PHC1: variants seen among roughly 807,000 people sequenced by gnomAD.
PHC1 encodes polyhomeotic-like protein 1.
PHC1 carries 12 observed loss-of-function variants against 104.3 expected under a neutral mutation model. That is an observed-to-expected ratio of 0.12 (90% CI 0.07 to 0.19). The LOEUF (loss-of-function observed/expected upper bound fraction) is 0.19, where lower values mean the gene tolerates loss of function less well. Ranked by LOEUF, PHC1 falls within the 10% of genes least tolerant of loss-of-function variation. The pLI, the probability that PHC1 is intolerant of heterozygous loss-of-function variation, is 1.00. For synonymous variants in PHC1, 302 were observed against 455.8 expected, an observed-to-expected ratio of 0.66 and a Z score of 4.30; for missense variants, 671 against 1,200.0, an observed-to-expected ratio of 0.56 and a Z score of 6.51.
Position 8,919,339 on chromosome 12 carries a change from G to A in PHC1, c.115-417G>A, listed in dbSNP as rs952779451. Among the ~76,000 whole-genome samples the A allele has an allele frequency of 1.4e-4, 22 of 152,104 alleles. No individual in the cohort carries two copies. Among genetic ancestry groups the A allele is most frequent in the African/African-American group, 5.3e-4 (22 of 41,418 alleles). On this transcript the variant is annotated intron_variant, in intron 2 of 14. Transcript: ENST00000544916. This position sits in a 1 kb window ranked among gnomAD's most constrained non-coding sequence, Gnocchi z 4.9. ...GCCTCCCAAAGTGCTGGGATTACAG[G>A]CAGGAGCCACCACGCCTGGCTCAGA...
intron 6 of PHC1, among the ~76,000 whole-genome samples, chr12:8,929,605 G>C (rs1945625048): frequency 6.6e-6 from 1 of 150,420 alleles, no homozygotes; most frequent in Admixed American, 6.6e-5. Flanking sequence ...TCAGCTCACT[G>C]CAGTCTCTGC....
At chr12:8,937,483 T>A (rs778952667) in intron 13 of PHC1, among the ~76,000 whole-genome samples, 157 bp downstream of exon 13, 2 of 152,310 alleles carry the variant, frequency 1.3e-5, no homozygotes, top group South Asian at 2.1e-4. Context: ...TGACCCCCTT[T>A]GTCTCCGGAC....
intron 6 of PHC1, among the ~76,000 whole-genome samples, chr12:8,927,853 TTTTCTTTCTTTC>T (rs71045227): frequency 0.023 from 2,545 of 110,846 alleles, 67 homozygotes; most frequent in African/African-American, 0.038. Flanking sequence ...ACTGTACTAG[TTTTCTTTCTTTC>T]TTTCTTTCTT....
chr12:8,913,943 G>A (rs1945118894), upstream of PHC1: 1 of 152,298 alleles, frequency 6.6e-6, no homozygotes, highest in Non-Finnish European at 1.5e-5. Context: ...CGCCTTCTTG[G>A]AGTTGAGGTG....
At chr12:8,921,118 G>A in intron 4 of PHC1, 53 bp downstream of exon 4, 1 of 1,342,014 alleles carries the variant, frequency 7.5e-7, no homozygotes, top group Non-Finnish European at 1.0e-6. Flanking sequence ...CTTTGTCTCT[G>A]GGTTAAATTA....
chr12:8,916,938 G>A (rs1175670059), intron 1 of PHC1, among the ~76,000 whole-genome samples: 1 of 152,160 alleles, frequency 6.6e-6, no homozygotes, highest in Non-Finnish European at 1.5e-5. Flanking sequence ...ATGACCCACT[G>A]AATGTGTCTG....
At chr12:8,931,622 C>G (rs1450399455) in intron 7 of PHC1, among the ~76,000 whole-genome samples, 1 of 152,192 alleles carries the variant, frequency 6.6e-6, no homozygotes, top group Non-Finnish European at 1.5e-5. Flanking sequence ...GTAGCTTGAA[C>G]CCGGTTGGCA....
intron 13 of PHC1, 108 bp from the exon 14 acceptor site, chr12:8,937,721 T>G: frequency 1.3e-6 from 1 of 754,126 alleles, no homozygotes; most frequent in Non-Finnish European, 2.2e-6. Context: ...ATTTCACATA[T>G]GATAAGATGA....
Position 8,922,754 on chromosome 12 carries a change from C to G in PHC1, c.578C>G (p.Ala193Gly). 6.2e-7 allele frequency: 1 copy of G among 1,612,814 alleles called. No homozygotes were observed. The change falls in exon 6 of 15, where the codon GCT (alanine) becomes GGT (glycine). Residue 193 changes from alanine (A) to glycine (G), a missense_variant. Transcript: ENST00000544916. ...GCAGTCCAGCAGGAGGTGCCATCTG[C>G]TCAGTCTCCTGGAGTTCATGCAGAT... ...VAAVQQEVPS[A>G]QSPGVHADAD...
chr12:8,916,831 C>G (rs530614694), intron 1 of PHC1, among the ~76,000 whole-genome samples: 7 of 152,176 alleles, frequency 4.6e-5, no homozygotes, highest in Non-Finnish European at 1.0e-4. Context: ...AGCAACATGC[C>G]TGAGGTGTTA....
intron 3 of PHC1, among the ~76,000 whole-genome samples, 173 bp from the exon 4 acceptor site, chr12:8,920,812 G>A (rs1369249651): frequency 6.6e-6 from 1 of 152,164 alleles, no homozygotes. Flanking sequence ...TAGCATATGT[G>A]GTAATGTGAG....
chr12:8,925,754 A>G lies in PHC1; in HGVS notation c.612+2966A>G, dbSNP rs745839252. Reference sequence around the variant, plus strand: ...GATTTTGGGCTTTTTATAAAAAGCAATTGGAAGCTATAGAAGGATTTTAAA... The same window carrying G: ...GATTTTGGGCTTTTTATAAAAAGCAGTTGGAAGCTATAGAAGGATTTTAAA... On this transcript the variant is annotated intron_variant, in intron 6 of 14. Coordinates refer to ENST00000544916, the MANE Select transcript of PHC1 (RefSeq NM_004426.3). 8.5e-5 allele frequency among the ~76,000 whole-genome samples: 13 copies of G among 152,324 alleles called. No individual in the cohort carries two copies. The East Asian group carries it at 2.3e-3, about 27-fold the overall frequency.
At chr12:8,920,918 A>T in intron 3 of PHC1, 67 bp from the exon 4 acceptor site, 2 of 1,027,122 alleles carry the variant, frequency 1.9e-6, no homozygotes, top group Non-Finnish European at 3.0e-6. Flanking sequence ...GTGATTTATT[A>T]CTAGAAGACT....
intron 6 of PHC1, among the ~76,000 whole-genome samples, chr12:8,929,508 TTAA>T (rs1412850090): frequency 6.6e-6 from 1 of 152,028 alleles, no homozygotes; most frequent in East Asian, 1.9e-4. Flanking sequence ...TACATTTTTT[TTAA>T]TAATATTTTA....
rs779664937 is a variant in PHC1 at position 8,936,842 on chromosome 12, A to T, written c.2369-14A>T. On this transcript the variant is annotated splice_polypyrimidine_tract_variant and intron_variant, in intron 11 of 14. Transcript: ENST00000544916. ...AAACCCATGGTGACTGTCCAGCAAT[A>T]CCTTGTTTTTTAGAGTTAGATAAGA... 2 of 1,534,462 alleles carry T rather than the reference A, an allele frequency of 1.3e-6. No individual in the cohort carries two copies. Among genetic ancestry groups the T allele is most frequent in the Non-Finnish European group, 1.8e-6 (2 of 1,109,176 alleles).
chr12:8,937,588 A>G (rs1033915689), intron 13 of PHC1, among the ~76,000 whole-genome samples: 6 of 152,110 alleles, frequency 3.9e-5, no homozygotes, highest in Admixed American at 6.5e-5. Flanking sequence ...ATTTCTCTCA[A>G]TTGTACTTGA....
At position 8,919,154 on chromosome 12, in the gene PHC1, G is replaced by A. The variant is rs1286214960; in HGVS notation, c.115-602G>A. ...ATCTCACTGCAACCTCTGCCTCCCA[G>A]GTTCAAGCAATTCTCCTACCTCAGC... On this transcript the variant is annotated intron_variant, in intron 2 of 14. Coordinates refer to ENST00000544916, the MANE Select transcript of PHC1 (RefSeq NM_004426.3). This position sits in a 1 kb window ranked among gnomAD's most constrained non-coding sequence, Gnocchi z 4.9. Among the ~76,000 whole-genome samples the A allele has an allele frequency of 1.3e-5, 2 of 152,184 alleles. No homozygotes were observed.
chr12:8,914,437 G>T (rs774903628), upstream of PHC1: 158 of 149,904 alleles, frequency 1.1e-3, no homozygotes, highest in African/African-American at 3.8e-3. Flanking sequence ...GGAGGGCGCC[G>T]AGGGGAGGCG....
intron 11 of PHC1, 118 bp from the exon 12 acceptor site, chr12:8,936,738 G>T (rs1283824765): frequency 4.4e-6 from 3 of 675,366 alleles, no homozygotes; most frequent in Non-Finnish European, 7.9e-6. Context: ...CAACTAGGTT[G>T]TGTAGGTTTT....
Sources: gnomAD v4.1 joint callset for allele counts (sites outside exome capture counted in the v4.1 genomes callset) on GRCh38, gnomAD v4.1.1 for gene constraint, Gnocchi (gnomAD v3.1) non-coding constraint, MANE v1.5 for transcripts, NCBI Gene and HGNC (gene_info 2026-07-23, HGNC 2026-07-21) for gene names.